The following ABCC2 variants were observed in gnomAD, a reference collection of about 807,000 sequenced individuals.
ABCC2 encodes the protein ATP-binding cassette sub-family C member 2.
A neutral mutation model predicts 173.4 loss-of-function variants in ABCC2; 157 were observed. That is an observed-to-expected ratio of 0.91 (90% CI 0.80 to 1.03). ABCC2 has a LOEUF of 1.03. Ranked by LOEUF, ABCC2 falls within the 50% of genes least tolerant of loss-of-function variation. The probability of loss-of-function intolerance (pLI) is 0.00; values close to 1 mark genes in which losing one functional copy is unlikely to be tolerated. For synonymous variants in ABCC2, 657 were observed against 693.5 expected (o/e 0.95, Z 0.83); for missense variants, 1,822 against 1,852.3 (o/e 0.98, Z 0.30).
intron 19 of ABCC2, among the ~76,000 whole-genome samples, chr10:99,825,002 A>G (rs2038606135): frequency 9.1e-6 from 1 of 109,348 alleles, no homozygotes; most frequent in African/African-American, 3.7e-5. Flanking sequence ...GAGGCTCTAC[A>G]GTGGCTGCCC....
At chr10:99,845,025 T>G (rs2038997906) in intron 28 of ABCC2, among the ~76,000 whole-genome samples, 1 of 152,010 alleles carries the variant, frequency 6.6e-6, no homozygotes, top group Non-Finnish European at 1.5e-5. Context: ...TTCTTTATTT[T>G]TATTTATTTA....
chr10:99,814,123 ACATATGTGTG>A lies in ABCC2; in HGVS notation c.2094+980_2094+989del, dbSNP rs1238077894. Among the ~76,000 whole-genome samples the A allele has an allele frequency of 1.1e-4, 15 of 136,306 alleles. 1 individual carries two copies. The highest frequency in any genetic ancestry group is 4.1e-4 in the African/African-American group (15 of 36,734). The allele number at this position is 136,306 out of a possible 152,430, so 89.4% of individuals were successfully genotyped here. On this transcript the variant is annotated intron_variant, in intron 16 of 31. Coordinates refer to ENST00000647814, the MANE Select transcript of ABCC2 (RefSeq NM_000392.5). ...TATACACACATATGTGTATATACAC[ACATATGTGTG>A]TATATATACACACATGTATGTATAC...
In ABCC2 at chr10:99,794,410, C is replaced by T. The variant is rs370534491; in HGVS notation, c.577-3C>T. Reference sequence around the variant, plus strand: ...TACATTTCGATTTTTTTGTGTCTTTCAGAATCCATCATCCATAGCTTCATT... The same window carrying T: ...TACATTTCGATTTTTTTGTGTCTTTTAGAATCCATCATCCATAGCTTCATT... On this transcript the variant is annotated splice_polypyrimidine_tract_variant and splice_region_variant and intron_variant, in intron 5 of 31. Coordinates refer to ENST00000647814, the MANE Select transcript of ABCC2 (RefSeq NM_000392.5). 2.9e-5 allele frequency: 47 copies of T among 1,613,590 alleles called. No homozygotes were observed. Among genetic ancestry groups the T allele is most frequent in the East Asian group, 1.8e-4 (8 of 44,880 alleles).
Position 99,795,738 on chromosome 10 carries a change from G to GGAAAGAAA in ABCC2, c.633-1300_633-1293dup, listed in dbSNP as rs1205497592. ...AGAGAGAGAAGAAAGAAAGAAAGAA[G>GGAAAGAAA]GAAAGAAAGAAAGAAAGAAAGAAAG... On this transcript the variant is annotated intron_variant, in intron 6 of 31. Transcript: ENST00000647814. Among the ~76,000 whole-genome samples, 61 of 28,772 alleles carry GGAAAGAAA rather than the reference G, an allele frequency of 2.1e-3. 1 individual carries two copies. Among genetic ancestry groups the GGAAAGAAA allele is most frequent in the African/African-American group, 7.2e-3 (58 of 8,100 alleles). 18.9% of individuals were successfully genotyped at this position (28,772 alleles called of 152,430 possible).
Position 99,832,040 on chromosome 10 carries a change from T to C in ABCC2, c.3167T>C (p.Leu1056Ser), listed in dbSNP as rs375785245. ...GGTTTCGTCCATGCATCAAATATCTTGCACAAGCAACTGCTGAACAATATC... is the reference window on the plus strand; with the variant it reads ...GGTTTCGTCCATGCATCAAATATCTCGCACAAGCAACTGCTGAACAATATC... ...AFGFVHASNI[L>S]HKQLLNNILR... Residue 1056 changes from leucine (L) to serine (S), a missense_variant, in exon 23 of 32, where the codon TTG becomes TCG. Physicochemically the swap from Leu to Ser is moderately radical, Grantham distance 145. Coordinates refer to ENST00000647814, the MANE Select transcript of ABCC2 (RefSeq NM_000392.5). The C allele has an allele frequency of 5.6e-6, 9 of 1,614,136 alleles. No homozygotes were observed. Among genetic ancestry groups the C allele is most frequent in the South Asian group, 1.1e-5 (1 of 91,092 alleles).
At chr10:99,830,964 C>T in intron 21 of ABCC2, 113 bp downstream of exon 21, 1 of 1,207,042 alleles carries the variant, frequency 8.3e-7, no homozygotes, top group Non-Finnish European at 1.2e-6. Context: ...TGTCCTCTGT[C>T]CTTTGCAAAT....
chr10:99,792,403 C>G, intron 3 of ABCC2, 44 bp downstream of exon 3: 1 of 1,607,692 alleles, frequency 6.2e-7, no homozygotes, highest in Non-Finnish European at 8.5e-7. Context: ...TTTCATTACC[C>G]ATAGGCATCT....
rs952922524 is a variant in ABCC2 at position 99,807,638 on chromosome 10, A to G, written c.1668+117A>G. The G allele has an allele frequency of 1.2e-5, 18 of 1,455,406 alleles. No homozygotes were observed. In the Admixed American group the frequency reaches 3.1e-4, roughly 25 times the overall value. 90.2% of individuals were successfully genotyped at this position (1,455,406 alleles called of 1,614,324 possible). On this transcript the variant is annotated intron_variant, in intron 12 of 31. Coordinates refer to ENST00000647814, the MANE Select transcript of ABCC2 (RefSeq NM_000392.5). ...ATCTCTAGGCCTGACCGCAAGATCC[A>G]GGGGACTTGTCCCTCTCACCGCCCC...
chr10:99,804,124 C>T lies in ABCC2; in HGVS notation c.1315C>T (p.His439Tyr), dbSNP rs368060678. 4.3e-6 allele frequency: 7 copies of T among 1,614,006 alleles called. No individual in the cohort carries two copies. Among genetic ancestry groups the T allele is most frequent in the African/African-American group, 1.3e-5 (1 of 74,904 alleles). Residue 439 changes from histidine (H) to tyrosine (Y), a missense_variant, in exon 10 of 32, where the codon CAC becomes TAC. His to Tyr is a moderately conservative substitution (Grantham distance 83). Transcript: ENST00000647814. ...QKLMDVTNFM[H>Y]MLWSSVLQIV... is the part of the protein sequence containing the mutation. ...GCTCATGGATGTGACCAACTTCATG[C>T]ACATGCTGTGGTCAAGTGTTCTACA...
Position 99,831,701 on chromosome 10 carries a change from G to A in ABCC2, c.2974G>A (p.Ala992Thr), listed in dbSNP as rs1470104905. The change falls in exon 22 of 32, where the codon GCT becomes ACT. Residue 992 changes from alanine to threonine, a missense_variant. Physicochemically the swap from Ala to Thr is moderately conservative, Grantham distance 58. Coordinates refer to ENST00000647814, the MANE Select transcript of ABCC2 (RefSeq NM_000392.5). ...CCTTGCGTTTGTGATGAATTCTGTG[G>A]CTTTTATTGGATCCAACCTCTGGCT... ...IILAFVMNSV[A>T]FIGSNLWLSA... 1.1e-5 allele frequency: 18 copies of A among 1,614,006 alleles called. No homozygotes were observed. The highest frequency in any genetic ancestry group is 1.3e-5 in the African/African-American group (1 of 74,898).
chr10:99,844,331 G>C lies in ABCC2; in HGVS notation c.3853G>C (p.Val1285Leu), dbSNP rs1564701000. The C allele has an allele frequency of 1.2e-6, 2 of 1,614,182 alleles. No homozygotes were observed. The highest frequency in any genetic ancestry group is 8.5e-7 in the Non-Finnish European group (1 of 1,180,038). The part of the protein sequence containing the change: ...YTKVENEAPW[V>L]TDKRPPPDWP... ...CTTGTCTCCTTGCCAGGCACCCTGG[G>C]TGACTGATAAGAGGCCTCCGCCAGA... is the stretch of plus-strand genomic sequence containing the variant. Residue 1285 changes from valine to leucine, a missense_variant, in exon 28 of 32, where the codon GTG (valine) becomes CTG (leucine). Transcript: ENST00000647814.
chr10:99,843,255 G>A (rs760275741), intron 26 of ABCC2, among the ~76,000 whole-genome samples: 16 of 149,850 alleles, frequency 1.1e-4, no homozygotes, highest in Non-Finnish European at 1.5e-4. Flanking sequence ...CTCAAACACC[G>A]GCAATTACAT....
chr10:99,803,911 C>T, intron 9 of ABCC2, 108 bp from the exon 10 acceptor site: 1 of 1,423,896 alleles, frequency 7.0e-7, no homozygotes, highest in Non-Finnish European at 9.8e-7. Context: ...AAGCTGTGTC[C>T]ATATGGAGCA....
At chr10:99,816,214 C>T (rs1417986123) in intron 16 of ABCC2, among the ~76,000 whole-genome samples, 1 of 152,164 alleles carries the variant, frequency 6.6e-6, no homozygotes, top group African/African-American at 2.4e-5. Flanking sequence ...AATCCACCTG[C>T]CTCAGCCTCC....
chr10:99,842,139 T>A (rs2038958213), intron 26 of ABCC2, 46 bp downstream of exon 26: 10 of 1,612,836 alleles, frequency 6.2e-6, no homozygotes, highest in Non-Finnish European at 8.5e-6. Context: ...GTGCTTATTC[T>A]TAAATTAAGC....
Position 99,842,073 on chromosome 10 carries a change from G to A in ABCC2, c.3721G>A (p.Val1241Ile). 1 of 1,614,182 alleles carries A rather than the reference G, an allele frequency of 6.2e-7. No homozygotes were observed. The highest frequency in any genetic ancestry group is 8.5e-7 in the Non-Finnish European group (1 of 1,180,022). The stretch of plus-strand genomic sequence containing the variant: ...CCTAAGTGGGGACACTGTTGGCTTT[G>A]TTCTGTCCAATGCACTCAATGTGAG... ...DTLSGDTVGF[V>I]LSNALNITQT... The change falls in exon 26 of 32, where the codon GTT becomes ATT. Residue 1241 changes from valine (V) to isoleucine (I), a missense_variant. By Grantham distance (29) the Val-to-Ile change is conservative. Coordinates refer to ENST00000647814, the MANE Select transcript of ABCC2 (RefSeq NM_000392.5).
rs2038337691 is a variant in ABCC2, at chr10:99,814,558, T to TACACATATACAC, written c.2094+1423_2094+1434dup. Among the ~76,000 whole-genome samples the TACACATATACAC allele has an allele frequency of 1.6e-5, 2 of 125,680 alleles. 1 individual carries two copies. The highest frequency in any genetic ancestry group is 5.8e-5 in the African/African-American group (2 of 34,376). 82.5% of individuals were successfully genotyped at this position (125,680 alleles called of 152,430 possible). ...ACATATACACACACATATGTGTATA[T>TACACATATACAC]ACACATATACACACACATATGTGTA... On this transcript the variant is annotated intron_variant, in intron 16 of 31. Coordinates refer to ENST00000647814, the MANE Select transcript of ABCC2 (RefSeq NM_000392.5).
chr10:99,810,557 T>C (rs534228582), intron 14 of ABCC2, among the ~76,000 whole-genome samples: 26 of 152,192 alleles, frequency 1.7e-4, no homozygotes, highest in African/African-American at 5.8e-4. Flanking sequence ...GGTTTAAAGA[T>C]TGGGGGCCAG....
In ABCC2 at chr10:99,814,212, T is replaced by C. The variant is rs1268940513; in HGVS notation, c.2094+1068T>C. ...ACACACATGTGTATATATACACACA[T>C]GTGTATATATACACACATGTGTATA... is the stretch of plus-strand genomic sequence containing the variant. On this transcript the variant is annotated intron_variant, in intron 16 of 31. Transcript: ENST00000647814. 2.3e-4 allele frequency among the ~76,000 whole-genome samples: 7 copies of C among 30,188 alleles called. 2 individuals carry two copies. Among genetic ancestry groups the C allele is most frequent in the African/African-American group, 3.3e-4 (2 of 6,116 alleles). 19.8% of individuals were successfully genotyped at this position (30,188 alleles called of 152,430 possible).
Sources: allele counts gnomAD v4.1 joint callset (sites outside exome capture counted in the v4.1 genomes callset), GRCh38; gene constraint gnomAD v4.1.1; transcripts MANE v1.5; gene names NCBI Gene and HGNC (gene_info 2026-07-23, HGNC 2026-07-21).